IGDCC4: variants seen among roughly 807,000 people sequenced by gnomAD.
IGDCC4 encodes the protein immunoglobulin superfamily DCC subclass member 4, also known as likely ortholog of mouse neighbor of Punc E11.
In IGDCC4, 72 loss-of-function variants were observed where a neutral mutation model predicts 116.6. That is an observed-to-expected ratio of 0.62 (90% CI 0.51 to 0.75). IGDCC4 has a LOEUF of 0.75. Ranked by LOEUF, IGDCC4 falls within the 30% of genes least tolerant of loss-of-function variation. IGDCC4 has a pLI of 0.00. For missense variants in IGDCC4, 1,501 were observed against 1,662.4 expected (o/e 0.90, Z 1.69); for synonymous variants, 709 against 719.9 (o/e 0.98, Z 0.24).
intron 16 of IGDCC4, among the ~76,000 whole-genome samples, chr15:65,386,992 C>CTTG (rs957055724): frequency 6.6e-6 from 1 of 152,176 alleles, no homozygotes; most frequent in Non-Finnish European, 1.5e-5. Context: ...GGACCCCACG[C>CTTG]TTGAGTTCAT....
intron 2 of IGDCC4, 34 bp from the exon 3 acceptor site, chr15:65,410,353 A>G (rs1321976183): frequency 6.2e-7 from 1 of 1,613,130 alleles, no homozygotes; most frequent in South Asian, 1.1e-5. Context: ...GGGACGGGAA[A>G]AGAATAGGAG....
chr15:65,403,487 A>G (rs532829870), intron 3 of IGDCC4, among the ~76,000 whole-genome samples: 2 of 152,116 alleles, frequency 1.3e-5, no homozygotes, highest in Non-Finnish European at 2.9e-5. Context: ...CTCCCTTAAT[A>G]AAATACTCTT....
At position 65,385,010 on chromosome 15, in the gene IGDCC4, G is replaced by C. The variant is rs548109593; in HGVS notation, c.3286C>G (p.Pro1096Ala). 7.5e-6 allele frequency: 12 copies of C among 1,609,832 alleles called. No homozygotes were observed. In the Admixed American group the frequency reaches 1.5e-4, roughly 20 times the overall value. The part of the protein sequence containing the change: ...RPALTRALLP[P>A]AGTGQTLLLQ... The stretch of plus-strand genomic sequence containing the variant: ...AACAGCGTCTGCCCAGTTCCAGCAG[G>C]GGGCAGCAGGGCCCGGGTCAGAGCC... Residue 1096 changes from proline (P) to alanine (A), a missense_variant, in exon 19 of 20, where the codon CCT becomes GCT. Coordinates refer to ENST00000352385, the MANE Select transcript of IGDCC4 (RefSeq NM_020962.3).
At position 65,386,551 on chromosome 15, in the gene IGDCC4, C is replaced by T. The variant is rs776106125; in HGVS notation, c.2951G>A (p.Arg984Lys). The change falls in exon 17 of 20, where the codon AGG (arginine) becomes AAG (lysine). Residue 984 changes from arginine (R) to lysine (K), a missense_variant and splice_region_variant. Around this residue, in one of 3 missense-constraint regions of IGDCC4, gnomAD observed 368 missense variants for 355.6 expected, o/e 1.03. Coordinates refer to ENST00000352385, the MANE Select transcript of IGDCC4 (RefSeq NM_020962.3). The part of the protein sequence containing the change: ...MCAGLRRSPH[R>K]ESLPGLSSTA... ...AAGTCAGACTGGCTCCCCTGCTCAC[C>T]TGTGGGGGCTGCGGCGCAGGCCAGC... 6.3e-6 allele frequency: 10 copies of T among 1,596,874 alleles called. No homozygotes were observed. The highest frequency in any genetic ancestry group is 8.5e-6 in the Non-Finnish European group (10 of 1,174,594).
At position 65,382,253 on chromosome 15, in the gene IGDCC4, A is replaced by G. The variant is rs1236044958; in HGVS notation, c.*1756T>C. 1 of 152,410 alleles carries G rather than the reference A, an allele frequency of 6.6e-6. No homozygotes were observed. The highest frequency in any genetic ancestry group is 1.5e-5 in the Non-Finnish European group (1 of 68,042). 9.4% of individuals were successfully genotyped at this position (152,410 alleles called of 1,614,324 possible). A position where few individuals can be genotyped will look rare whatever the true frequency, so the allele number is the denominator to read the frequency against. ...AACGAGATACAAAACCAACATTAAT[A>G]ATCTTTAGTGTTATCATAGGCTGGC... is the stretch of plus-strand genomic sequence containing the variant. On this transcript the variant is annotated 3_prime_UTR_variant, in exon 20 of 20. Coordinates refer to ENST00000352385, the MANE Select transcript of IGDCC4 (RefSeq NM_020962.3).
At chr15:65,415,683 C>G (rs2063135992) in intron 1 of IGDCC4, among the ~76,000 whole-genome samples, 1 of 152,152 alleles carries the variant, frequency 6.6e-6, no homozygotes, top group Admixed American at 6.5e-5. Context: ...TCTGGGAAAA[C>G]TGCCCTTCTT....
chr15:65,396,698 A>G lies in IGDCC4; in HGVS notation c.997+136T>C, dbSNP rs2062930600. The G allele has an allele frequency of 5.3e-6, 6 of 1,125,608 alleles. No individual in the cohort carries two copies. In the East Asian group the frequency reaches 1.3e-4, roughly 24 times the overall value. 69.7% of individuals were successfully genotyped at this position (1,125,608 alleles called of 1,614,324 possible). On this transcript the variant is annotated intron_variant, in intron 6 of 19. Transcript: ENST00000352385. ...CCATCCCTCGTCCCACCTCCGCCTT[A>G]CTAGGGACTCCTCCCTGAGTTCGTC...
intron 1 of IGDCC4, among the ~76,000 whole-genome samples, chr15:65,419,608 C>G (rs2063172464): frequency 6.6e-6 from 1 of 152,066 alleles, no homozygotes; most frequent in Non-Finnish European, 1.5e-5. Flanking sequence ...GAAAGAGGCC[C>G]ACCCCAAATG....
intron 13 of IGDCC4, 136 bp from the exon 14 acceptor site, chr15:65,389,547 AG>A (rs1475875296): frequency 1.7e-6 from 2 of 1,205,404 alleles, no homozygotes; most frequent in Non-Finnish European, 2.4e-6. Context: ...CCTGGCCTGG[AG>A]GCGACTACCA....
Position 65,393,488 on chromosome 15 carries a change from A to T in IGDCC4, c.1758T>A (p.Leu586=). ...STEVRGNETQ[L]MLNSLQPNKV... is the part of the protein sequence containing the mutation. ...TGTTTGGCTGAAGCGAGTTCAGCAT[A>T]AGCTGTGTCTCATTTCCTCGCACCT... Residue 586 remains leucine, a synonymous_variant, in exon 10 of 20, where the codon CTT becomes CTA. Coordinates refer to ENST00000352385, the MANE Select transcript of IGDCC4 (RefSeq NM_020962.3). The surrounding 1 kb of genome is among the most constrained non-coding windows in gnomAD (Gnocchi z 4.6). 6.2e-7 allele frequency: 1 copy of T among 1,609,982 alleles called. No individual in the cohort carries two copies. Among genetic ancestry groups the T allele is most frequent in the Middle Eastern group, 1.7e-4 (1 of 6,054 alleles).
At chr15:65,396,228 GT>G in intron 6 of IGDCC4, 65 bp from the exon 7 acceptor site, 1 of 1,068,450 alleles carries the variant, frequency 9.4e-7, no homozygotes, top group Non-Finnish European at 1.1e-6. Flanking sequence ...CCCCCCCCCA[GT>G]ACCCCAAGCC....
Position 65,422,870 on chromosome 15 carries a change from G to C in IGDCC4, c.-8C>G. The C allele has an allele frequency of 8.8e-7, 1 of 1,131,758 alleles. No homozygotes were observed. Among genetic ancestry groups the C allele is most frequent in the African/African-American group, 1.7e-5 (1 of 60,408 alleles). The allele number at this position is 1,131,758 out of a possible 1,614,324, so 70.1% of individuals were successfully genotyped here. A position where few individuals can be genotyped will look rare whatever the true frequency, so the allele number is the denominator to read the frequency against. On this transcript the variant is annotated 5_prime_UTR_variant, in exon 1 of 20. Transcript: ENST00000352385. ...GGCGTCCCCCCGCGCCATGGGGCTG[G>C]GCTCGGGCCGCCGCCGCCGCCGCCG...
At chr15:65,385,742 A>G in intron 18 of IGDCC4, 89 bp downstream of exon 18, 1 of 1,057,616 alleles carries the variant, frequency 9.5e-7, no homozygotes, top group Non-Finnish European at 1.5e-6. Flanking sequence ...AAGAGGAGGT[A>G]GAGCCATGCT....
chr15:65,391,996 A>G lies in IGDCC4; in HGVS notation c.2123-15T>C. On this transcript the variant is annotated splice_polypyrimidine_tract_variant and intron_variant, in intron 11 of 19. Transcript: ENST00000352385. The stretch of plus-strand genomic sequence containing the variant: ...CCGGCCAGGGACTGGGGAAGGTTAC[A>G]GGGCTTAATGGCTAGGGGGACATCT... 1 of 1,600,626 alleles carries G rather than the reference A, an allele frequency of 6.2e-7. No homozygotes were observed. The highest frequency in any genetic ancestry group is 8.5e-7 in the Non-Finnish European group (1 of 1,172,870).
intron 5 of IGDCC4, among the ~76,000 whole-genome samples, chr15:65,397,900 A>G (rs757570702): frequency 6.6e-6 from 1 of 152,240 alleles, no homozygotes; most frequent in African/African-American, 2.4e-5. Context: ...GTAACAGCGG[A>G]TAACTGGAAA....
intron 1 of IGDCC4, among the ~76,000 whole-genome samples, chr15:65,418,379 T>A (rs1038341701): frequency 2.6e-5 from 4 of 152,210 alleles, no homozygotes; most frequent in African/African-American, 9.7e-5. Flanking sequence ...CAGTACTTTC[T>A]GCTCACTGGC....
At position 65,393,590 on chromosome 15, in the gene IGDCC4, C is replaced by CCCCCTACA; in HGVS notation, c.1715-67_1715-60dup. ...CCACCTGAGGAACAGGATCCTAAAC[C>CCCCCTACA]CCCCTACATGGCTCTTCCGCCTCAC... is the stretch of plus-strand genomic sequence containing the variant. On this transcript the variant is annotated intron_variant, in intron 9 of 19. Coordinates refer to ENST00000352385, the MANE Select transcript of IGDCC4 (RefSeq NM_020962.3). The surrounding 1 kb of genome is among the most constrained non-coding windows in gnomAD (Gnocchi z 4.6). The CCCCCTACA allele has an allele frequency of 6.6e-7, 1 of 1,508,840 alleles. No individual in the cohort carries two copies. The highest frequency in any genetic ancestry group is 9.0e-7 in the Non-Finnish European group (1 of 1,117,120). The allele number at this position is 1,508,840 out of a possible 1,614,324, so 93.5% of individuals were successfully genotyped here. A position where few individuals can be genotyped will look rare whatever the true frequency, so the allele number is the denominator to read the frequency against.
rs1324655265 is a variant in IGDCC4, at chr15:65,396,007, C to T, written c.1154G>A (p.Gly385Asp). Reference sequence around the variant, plus strand: ...TGTGATGACCAGGCTGCCACCGCCGCCCTGGACCTTGACGCGCCCGTTGGG... The same window carrying T: ...TGTGATGACCAGGCTGCCACCGCCGTCCTGGACCTTGACGCGCCCGTTGGG... ...LRPNGRVKVQ[G>D]GGGSLVITQI... The change falls in exon 7 of 20, where the codon GGC becomes GAC. Residue 385 changes from glycine (G) to aspartate (D), a missense_variant. By Grantham distance (94) the Gly-to-Asp change is moderately conservative (BLOSUM62 -1). This residue lies in a region of IGDCC4 where 898 missense variants were observed against 978.9 expected (regional missense o/e 0.92). Transcript: ENST00000352385. 3 of 1,527,640 alleles carry T rather than the reference C, an allele frequency of 2.0e-6. No individual in the cohort carries two copies. In the East Asian group the frequency reaches 7.8e-5, roughly 40 times the overall value. The allele number at this position is 1,527,640 out of a possible 1,614,324, so 94.6% of individuals were successfully genotyped here. A position where few individuals can be genotyped will look rare whatever the true frequency, so the allele number is the denominator to read the frequency against.
Position 65,388,488 on chromosome 15 carries a change from G to A in IGDCC4, c.2806C>T (p.Arg936Cys), listed in dbSNP as rs140602610. ...TGGAGCGTGATCACATCCTGCAGGC[G>A]GGAGAAAGGCCCAGGTCCCACCTCT... is the stretch of plus-strand genomic sequence containing the variant. ...RTEVGPGPFS[R>C]LQDVITLQEK... Residue 936 changes from arginine (R) to cysteine (C), a missense_variant, in exon 16 of 20, where the codon CGC becomes TGC. Transcript: ENST00000352385. 94 of 1,613,988 alleles carry A rather than the reference G, an allele frequency of 5.8e-5. 1 individual carries two copies. The highest frequency in any genetic ancestry group is 1.6e-4 in the African/African-American group (12 of 74,906).
Sources: allele counts gnomAD v4.1 joint callset (sites outside exome capture counted in the v4.1 genomes callset), GRCh38; gene constraint gnomAD v4.1.1; regional missense constraint gnomAD v4.1.1; non-coding constraint Gnocchi (gnomAD v3.1); transcripts MANE v1.5; gene names NCBI Gene and HGNC (gene_info 2026-07-23, HGNC 2026-07-21).